The following AASS variants were observed in gnomAD, a reference collection of about 807,000 sequenced individuals.
AASS encodes the protein aminoadipate-semialdehyde synthase, also known as alpha-aminoadipic semialdehyde synthase, mitochondrial.
In AASS, 86 loss-of-function variants were observed where a neutral mutation model predicts 105.4. The ratio of observed to expected loss-of-function variants is 0.82; its 90% CI spans 0.69 to 0.98. The LOEUF (loss-of-function observed/expected upper bound fraction) is 0.98, where lower values mean the gene tolerates loss of function less well. Ranked by LOEUF, AASS falls within the 50% of genes least tolerant of loss-of-function variation. The probability of loss-of-function intolerance (pLI) is 0.00; values close to 1 mark genes in which losing one functional copy is unlikely to be tolerated. For synonymous variants in AASS, 381 were observed against 394.8 expected (o/e 0.96, Z 0.41); for missense variants, 1,048 against 1,143.2 (o/e 0.92, Z 1.20).
intron 15 of AASS, among the ~76,000 whole-genome samples, chr7:122,097,269 G>A (rs1229317451): frequency 6.6e-6 from 1 of 151,572 alleles, no homozygotes; most frequent in African/African-American, 2.4e-5. Flanking sequence ...ATCACTATGA[G>A]GGAACAGATA....
intron 18 of AASS, among the ~76,000 whole-genome samples, chr7:122,087,766 T>C (rs181604749): frequency 1.5e-4 from 23 of 152,282 alleles, no homozygotes; most frequent in African/African-American, 5.5e-4. Context: ...CCCATGACAA[T>C]TCTTAAGTTT....
At chr7:122,128,464 A>T (rs1415165736) in intron 3 of AASS, among the ~76,000 whole-genome samples, 5 of 152,144 alleles carry the variant, frequency 3.3e-5, no homozygotes, top group Non-Finnish European at 5.9e-5. Flanking sequence ...CATCCTACTT[A>T]AAATAGCATC....
At position 122,115,067 on chromosome 7, in the gene AASS, T is replaced by G; in HGVS notation, c.1043+7A>C. The G allele has an allele frequency of 6.2e-7, 1 of 1,614,028 alleles. No individual in the cohort carries two copies. ...AACTACTATCGTTGCTGAAGTAGAG[T>G]CCTTACTTGTGTGGTAATGCAGGGC... On this transcript the variant is annotated splice_region_variant and intron_variant, in intron 9 of 23. Transcript: ENST00000417368.
intron 11 of AASS, among the ~76,000 whole-genome samples, chr7:122,104,356 G>A (rs1182971994): frequency 1.3e-5 from 2 of 152,110 alleles, no homozygotes; most frequent in Non-Finnish European, 2.9e-5. Flanking sequence ...AGCACTTTGA[G>A]AGGCCAAGGT....
In AASS at chr7:122,090,535, C is replaced by T. The variant is rs536744859; in HGVS notation, c.2016+1168G>A. Among the ~76,000 whole-genome samples the T allele has an allele frequency of 6.6e-5, 10 of 152,186 alleles. No homozygotes were observed. The South Asian group carries it at 1.7e-3, about 25-fold the overall frequency. On this transcript the variant is annotated intron_variant, in intron 18 of 23. Coordinates refer to ENST00000417368, the MANE Select transcript of AASS (RefSeq NM_005763.4). ...TTCTCTCTACTCCTGAAATACATTT[C>T]GATTCACAAATACCTTGACAATGTA...
intron 11 of AASS, among the ~76,000 whole-genome samples, chr7:122,103,724 G>T (rs1259710065): frequency 6.6e-6 from 1 of 151,702 alleles, no homozygotes; most frequent in Non-Finnish European, 1.5e-5. Context: ...TTAACTGGTT[G>T]CACCCAACTC....
chr7:122,121,079 C>T (rs1795420212), intron 4 of AASS, among the ~76,000 whole-genome samples: 4 of 151,368 alleles, frequency 2.6e-5, no homozygotes. Context: ...TTTTTTAATG[C>T]CCTTTTTCTT....
intron 2 of AASS, 24 bp from the exon 3 acceptor site, chr7:122,129,561 G>T (rs747409612): frequency 1.9e-6 from 3 of 1,607,856 alleles, no homozygotes; most frequent in South Asian, 2.2e-5. Flanking sequence ...TATGATTAAA[G>T]GTTATTATCC....
chr7:122,143,964 G>A (rs994163933), intron 1 of AASS, among the ~76,000 whole-genome samples, 197 bp downstream of exon 1: 5 of 152,160 alleles, frequency 3.3e-5, no homozygotes, highest in African/African-American at 1.2e-4. Flanking sequence ...TTCCTCGCAG[G>A]GAGGCCCGAA....
At chr7:122,129,296 G>A (rs1795799590) in intron 3 of AASS, 65 bp downstream of exon 3, 2 of 1,082,216 alleles carry the variant, frequency 1.8e-6, no homozygotes, top group African/African-American at 1.6e-5. Flanking sequence ...AACTCCATTT[G>A]GGGGTTAAAA....
chr7:122,121,806 T>C (rs1364878005), intron 4 of AASS, among the ~76,000 whole-genome samples: 1 of 152,130 alleles, frequency 6.6e-6, no homozygotes, highest in Non-Finnish European at 1.5e-5. Flanking sequence ...GCTTGAGAAA[T>C]TTTTTAAATA....
chr7:122,140,038 G>C (rs1396994733), intron 1 of AASS, among the ~76,000 whole-genome samples: 1 of 152,054 alleles, frequency 6.6e-6, no homozygotes, highest in Non-Finnish European at 1.5e-5. Flanking sequence ...AGAGAGCTGA[G>C]ATTTTCATAG....
At position 122,078,852 on chromosome 7, in the gene AASS, C is replaced by T; in HGVS notation, c.2485+10G>A. ...CTTTAGGTATATTTAGCTAATACTT[C>T]ATGGCCTACCATAGGAAAGCTTCAT... On this transcript the variant is annotated intron_variant, in intron 22 of 23. Transcript: ENST00000417368. 3 of 1,611,316 alleles carry T rather than the reference C, an allele frequency of 1.9e-6. No homozygotes were observed. The highest frequency in any genetic ancestry group is 2.5e-6 in the Non-Finnish European group (3 of 1,177,486).
chr7:122,081,584 T>A lies in AASS; in HGVS notation c.2196A>T (p.Lys732Asn). The change falls in exon 20 of 24, where the codon AAA becomes AAT. Residue 732 changes from lysine to asparagine, a missense_variant. Transcript: ENST00000417368. The stretch of plus-strand genomic sequence containing the variant: ...CTAATTTTACAAATCCATTCAAAGC[T>A]TTCATATATCCCTGAAACAAGAATT... ...RGTLRYKGYMKALNGFVKLGL... is the reference protein window; with the variant it reads ...RGTLRYKGYMNALNGFVKLGL... The A allele has an allele frequency of 6.2e-7, 1 of 1,611,522 alleles. No homozygotes were observed. The highest frequency in any genetic ancestry group is 8.5e-7 in the Non-Finnish European group (1 of 1,177,744).
chr7:122,141,400 G>A (rs1008953501), intron 1 of AASS, among the ~76,000 whole-genome samples: 12 of 152,022 alleles, frequency 7.9e-5, no homozygotes, highest in African/African-American at 2.4e-4. Flanking sequence ...TTCTAAATCG[G>A]AGTCTAGTCC....
At chr7:122,113,483 G>T in intron 10 of AASS, 115 bp downstream of exon 10, 2 of 1,344,192 alleles carry the variant, frequency 1.5e-6, no homozygotes, top group Non-Finnish European at 2.1e-6. Flanking sequence ...GTATGTTTGA[G>T]TATATCTCTC....
intron 1 of AASS, 143 bp downstream of exon 1, chr7:122,144,018 C>T (rs956968349): frequency 5.3e-5 from 8 of 152,200 alleles, no homozygotes; most frequent in African/African-American, 1.7e-4. Context: ...GGGGTCGCCT[C>T]GCGGCGCCGG....
Position 122,086,093 on chromosome 7 carries a change from A to G in AASS, c.2103T>C (p.Pro701=), listed in dbSNP as rs779380546. Residue 701 remains proline, a synonymous_variant, in exon 19 of 24, where the codon CCT becomes CCC. Transcript: ENST00000417368. ...FFPGLNLEGY[P]NRDSTKYAEI... is the part of the protein sequence containing the mutation. ...CAGCATATTTCGTACTGTCTCTGTT[A>G]GGATAGCCTTCCAAATTTAATCCTG... 1 of 1,613,652 alleles carries G rather than the reference A, an allele frequency of 6.2e-7. No homozygotes were observed.
chr7:122,129,597 G>A, intron 2 of AASS, 60 bp from the exon 3 acceptor site: 1 of 1,510,980 alleles, frequency 6.6e-7, no homozygotes, highest in Non-Finnish European at 9.2e-7. Context: ...ATGTTTTCTT[G>A]AGCAAAATGT....
Sources: gnomAD v4.1 joint callset for allele counts (sites outside exome capture counted in the v4.1 genomes callset) on GRCh38, gnomAD v4.1.1 for gene constraint, MANE v1.5 for transcripts, NCBI Gene and HGNC (gene_info 2026-07-23, HGNC 2026-07-21) for gene names.